COL4A6: variants seen among roughly 807,000 people sequenced by gnomAD.
COL4A6 encodes collagen type IV alpha 6 chain.
COL4A6 carries 59 observed loss-of-function variants against 126.7 expected under a neutral mutation model. The observed-to-expected ratio is 0.47, with a 90% confidence interval of 0.38 to 0.58. COL4A6 has a LOEUF of 0.58. Ranked by LOEUF, COL4A6 falls within the 20% of genes least tolerant of loss-of-function variation. COL4A6 has a pLI of 0.00. For missense variants in COL4A6, 1,285 were observed against 1,337.3 expected (o/e 0.96, Z 0.61); for synonymous variants, 547 against 496.6 (o/e 1.10, Z -1.35).
intron 15 of COL4A6, among the ~76,000 whole-genome samples, 194 bp downstream of exon 15, chrX:108,194,888 C>T (rs1267703400): frequency 6.3e-5 from 7 of 111,077 alleles, no homozygotes; most frequent in Admixed American, 4.8e-4. Flanking sequence ...TGGCAAGGCA[C>T]GGAATTTGAC....
At chrX:108,374,975 G>A (rs191894272) in intron 2 of COL4A6, among the ~76,000 whole-genome samples, 4 of 111,961 alleles carry the variant, frequency 3.6e-5, no homozygotes, top group Admixed American at 1.9e-4. Context: ...GTAAGTAAAC[G>A]GAAAAGAGAA....
At chrX:108,307,994 T>C (rs2038666241) in intron 3 of COL4A6, among the ~76,000 whole-genome samples, 1 of 112,332 alleles carries the variant, frequency 8.9e-6, no homozygotes, top group African/African-American at 3.2e-5. Context: ...TCAGTAACTT[T>C]GACAAACATT....
At chrX:108,289,796 T>TTTA (rs1437023385) in intron 3 of COL4A6, among the ~76,000 whole-genome samples, 6 of 111,905 alleles carry the variant, frequency 5.4e-5, no homozygotes, top group Non-Finnish European at 7.5e-5. Context: ...TCTTATTGAA[T>TTTA]TTATATAAAC....
At chrX:108,270,334 T>C (rs1391229316) in intron 3 of COL4A6, among the ~76,000 whole-genome samples, 1 of 112,762 alleles carries the variant, frequency 8.9e-6, no homozygotes, top group Non-Finnish European at 1.9e-5. Context: ...CTTTAGCAGA[T>C]AGGATGATAT....
At chrX:108,168,979 G>A (rs868818198) in intron 37 of COL4A6, among the ~76,000 whole-genome samples, 7 of 111,785 alleles carry the variant, frequency 6.3e-5, no homozygotes, top group Middle Eastern at 4.6e-3. Context: ...GTCAGGGGCC[G>A]AGATTAGGGT....
intron 5 of COL4A6, among the ~76,000 whole-genome samples, chrX:108,218,336 A>G (rs1450246843): frequency 1.8e-5 from 2 of 112,666 alleles, no homozygotes; most frequent in Non-Finnish European, 3.8e-5. Flanking sequence ...AAAGGGGCAT[A>G]GGAACACAGC....
chrX:108,264,115 A>G (rs1036916721), intron 3 of COL4A6, among the ~76,000 whole-genome samples: 1 of 111,645 alleles, frequency 9.0e-6, no homozygotes, highest in African/African-American at 3.2e-5. Context: ...ATTGTCTGCC[A>G]GGACACTGTT....
chrX:108,388,835 T>G (rs2040763675), intron 2 of COL4A6, among the ~76,000 whole-genome samples: 1 of 112,015 alleles, frequency 8.9e-6, no homozygotes, highest in Admixed American at 9.5e-5. Flanking sequence ...TCTTTCCTGC[T>G]TTCTCTTGTG....
chrX:108,238,803 C>T lies in COL4A6; in HGVS notation c.145-17429G>A, dbSNP rs147377399. Among the ~76,000 whole-genome samples the T allele has an allele frequency of 1.1e-3, 119 of 111,123 alleles. 5 individuals carry two copies. In the East Asian group the frequency reaches 0.033, roughly 30 times the overall value. ...TGTAAGCTGTAACAGTTTACACTTCCATCAGCAATACATGAAAAATCATTT... is the reference window on the plus strand; with the variant it reads ...TGTAAGCTGTAACAGTTTACACTTCTATCAGCAATACATGAAAAATCATTT... On this transcript the variant is annotated intron_variant, in intron 3 of 44. Transcript: ENST00000334504.
At chrX:108,406,533 A>T (rs2041211560) in intron 2 of COL4A6, among the ~76,000 whole-genome samples, 1 of 106,234 alleles carries the variant, frequency 9.4e-6, no homozygotes, top group African/African-American at 3.3e-5. Context: ...ATCAGTTTCT[A>T]CCTGGCACTT....
At chrX:108,312,463 A>G (rs1485992655) in intron 2 of COL4A6, among the ~76,000 whole-genome samples, 1 of 112,182 alleles carries the variant, frequency 8.9e-6, no homozygotes, top group African/African-American at 3.2e-5. Flanking sequence ...TTTATGGAAT[A>G]TAGGACAGGC....
intron 2 of COL4A6, among the ~76,000 whole-genome samples, chrX:108,429,753 T>C (rs376664789): frequency 2.1e-4 from 23 of 111,826 alleles, no homozygotes; most frequent in African/African-American, 7.5e-4. Flanking sequence ...AGCTAGGAAG[T>C]GTCAGAGGGC....
intron 12 of COL4A6, 103 bp downstream of exon 12, chrX:108,204,217 C>A: frequency 3.4e-6 from 2 of 595,897 alleles, no homozygotes; most frequent in South Asian, 4.9e-5. Flanking sequence ...TTACCCAGAA[C>A]CCTCTATTCT....
intron 2 of COL4A6, among the ~76,000 whole-genome samples, chrX:108,427,367 G>A (rs1214789597): frequency 1.8e-5 from 2 of 111,646 alleles, no homozygotes; most frequent in African/African-American, 6.5e-5. Context: ...TTGAAGGGAC[G>A]AAAAAACAGT....
intron 3 of COL4A6, among the ~76,000 whole-genome samples, chrX:108,244,101 A>G (rs1185771530): frequency 1.1e-5 from 1 of 91,395 alleles, no homozygotes; most frequent in East Asian, 3.1e-4. Context: ...CCCTTCAGGT[A>G]TGTTCACCAA....
chrX:108,201,704 T>G (rs940178456), intron 13 of COL4A6, among the ~76,000 whole-genome samples: 55 of 111,828 alleles, frequency 4.9e-4, no homozygotes, highest in African/African-American at 1.4e-3. Context: ...TTGAACATTT[T>G]TACATTTTGA....
intron 2 of COL4A6, among the ~76,000 whole-genome samples, chrX:108,398,339 T>C (rs753839527): frequency 2.1e-4 from 24 of 111,726 alleles, no homozygotes; most frequent in African/African-American, 7.9e-4. Context: ...AGGTTGTCCA[T>C]GGTTCTGTAC....
intron 8 of COL4A6, among the ~76,000 whole-genome samples, chrX:108,208,159 C>T (rs1350755911): frequency 9.0e-6 from 1 of 111,715 alleles, no homozygotes; most frequent in Non-Finnish European, 1.9e-5. Context: ...CACATAATAG[C>T]AGAGCTTCAA....
chrX:108,256,189 C>A, intron 3 of COL4A6, among the ~76,000 whole-genome samples: 1 of 112,186 alleles, frequency 8.9e-6, no homozygotes, highest in Middle Eastern at 4.6e-3. Context: ...TTTCCATTCC[C>A]AGTTTCATTC....
Sources: gnomAD v4.1 joint callset for allele counts (sites outside exome capture counted in the v4.1 genomes callset) on GRCh38, gnomAD v4.1.1 for gene constraint, MANE v1.5 for transcripts, NCBI Gene and HGNC (gene_info 2026-07-23, HGNC 2026-07-21) for gene names.